Variants in CNTNAP2 observed in about 807,000 individuals in gnomAD.
CNTNAP2 encodes contactin associated protein 2.
Under a neutral mutation model 155.2 loss-of-function variants are expected in CNTNAP2, and 98 were observed. The observed-to-expected ratio is 0.63, with a 90% CI of 0.54 to 0.75. CNTNAP2 has a LOEUF of 0.75. CNTNAP2 is among the 30% of genes least tolerant of loss of function. The pLI is 0.00. For synonymous variants in CNTNAP2, 651 were observed against 631.2 expected (o/e 1.03, Z -0.47); for missense variants, 1,727 against 1,688.1 (o/e 1.02, Z -0.40).
At chr7:146,744,341 C>T (rs952705102) in intron 1 of CNTNAP2, among the ~76,000 whole-genome samples, 3 of 151,330 alleles carry the variant, frequency 2.0e-5, no homozygotes, top group African/African-American at 4.9e-5. Flanking sequence ...ATAGAAGCTA[C>T]CATCAAAATT....
At chr7:146,163,585 C>CTATATATA (rs772109958) in intron 1 of CNTNAP2, among the ~76,000 whole-genome samples, 1 of 91,224 alleles carries the variant, frequency 1.1e-5, no homozygotes, top group African/African-American at 4.0e-5. Flanking sequence ...ATCTATCTAT[C>CTATATATA]TATATATATA....
intron 4 of CNTNAP2, among the ~76,000 whole-genome samples, chr7:147,060,368 G>A (rs1563061237): frequency 6.6e-6 from 1 of 152,130 alleles, no homozygotes; most frequent in Non-Finnish European, 1.5e-5. Flanking sequence ...ATTAGGTGAA[G>A]AAAAGCAGAA....
chr7:146,142,050 T>A (rs1797888227), intron 1 of CNTNAP2, among the ~76,000 whole-genome samples: 1 of 152,210 alleles, frequency 6.6e-6, no homozygotes, highest in African/African-American at 2.4e-5. Flanking sequence ...TGCTTTGTAT[T>A]TCCTTGTTAT....
At chr7:147,623,126 C>A (rs961110335) in intron 12 of CNTNAP2, among the ~76,000 whole-genome samples, 1 of 151,878 alleles carries the variant, frequency 6.6e-6, no homozygotes, top group African/African-American at 2.4e-5. Context: ...ATAATAAGAA[C>A]TCTGTCAATA....
chr7:146,328,400 A>C (rs571387896), intron 1 of CNTNAP2, among the ~76,000 whole-genome samples: 11 of 152,232 alleles, frequency 7.2e-5, no homozygotes, highest in Admixed American at 6.5e-4. Context: ...TTGAGGTATG[A>C]TCAATAAAGA....
At position 147,849,072 on chromosome 7, in the gene CNTNAP2, T is replaced by C. The variant is rs1563109979; in HGVS notation, c.2099-54493T>C. ...AAATTTCTCCTAGAGGTATAGTAAA[T>C]ATGATTGATTTAATACATCATTGAG... On this transcript the variant is annotated intron_variant, in intron 13 of 23. Transcript: ENST00000361727. 4.6e-5 allele frequency among the ~76,000 whole-genome samples: 7 copies of C among 152,162 alleles called. No homozygotes were observed. In the South Asian group the frequency reaches 1.4e-3, roughly 31 times the overall value.
chr7:146,877,639 G>GTATATATGTGTA (rs1368625787), intron 3 of CNTNAP2, among the ~76,000 whole-genome samples: 1 of 150,784 alleles, frequency 6.6e-6, no homozygotes, highest in African/African-American at 2.4e-5. Context: ...ATGTATGTGT[G>GTATATATGTGTA]TATATATGTG....
At chr7:148,013,061 T>A (rs993803032) in intron 15 of CNTNAP2, 1 of 152,208 alleles carries the variant, frequency 6.6e-6, no homozygotes, top group Non-Finnish European at 1.5e-5. Flanking sequence ...GAGTTGATCA[T>A]CTGGGGGTGT....
chr7:147,231,102 T>C (rs1194304952), intron 8 of CNTNAP2, among the ~76,000 whole-genome samples: 1 of 152,170 alleles, frequency 6.6e-6, no homozygotes, highest in African/African-American at 2.4e-5. Flanking sequence ...TTTTAAAACA[T>C]CAGCTCTCCT....
intron 15 of CNTNAP2, among the ~76,000 whole-genome samples, chr7:148,062,072 TGTG>T (rs1289758673): frequency 1.4e-5 from 2 of 146,234 alleles, no homozygotes; most frequent in Non-Finnish European, 3.0e-5. Flanking sequence ...TGTGTGTGTG[TGTG>T]TTTAGTCCAT....
At position 147,065,462 on chromosome 7, in the gene CNTNAP2, AGAT is replaced by A. The variant is rs1432434891; in HGVS notation, c.550+21412_550+21414del. On this transcript the variant is annotated intron_variant, in intron 4 of 23. Coordinates refer to ENST00000361727, the MANE Select transcript of CNTNAP2 (RefSeq NM_014141.6). ...CAGTGTAATTCTTAAGTACAATTTA[AGAT>A]GATCTTTTCCAACTCTCATATTTAA... Among the ~76,000 whole-genome samples, 65 of 152,212 alleles carry A rather than the reference AGAT, an allele frequency of 4.3e-4. 2 individuals are homozygous for A. Among genetic ancestry groups the A allele is most frequent in the Non-Finnish European group, 7.3e-5 (5 of 68,044 alleles).
intron 8 of CNTNAP2, among the ~76,000 whole-genome samples, chr7:147,257,175 G>A (rs1804351092): frequency 6.6e-6 from 1 of 152,162 alleles, no homozygotes; most frequent in Non-Finnish European, 1.5e-5. Context: ...TGTTTTAAGA[G>A]GAAGTAAATG....
intron 1 of CNTNAP2, among the ~76,000 whole-genome samples, chr7:146,583,145 TAGAA>T (rs1189389814): frequency 6.6e-6 from 1 of 151,892 alleles, no homozygotes; most frequent in African/African-American, 2.4e-5. Context: ...AAATGTCTAA[TAGAA>T]AGAAAAGAAA....
At chr7:147,107,022 C>T (rs1179578491) in intron 4 of CNTNAP2, among the ~76,000 whole-genome samples, 1 of 152,162 alleles carries the variant, frequency 6.6e-6, no homozygotes, top group Non-Finnish European at 1.5e-5. Context: ...AACCTAGAGG[C>T]TAGCTTTGTC....
intron 4 of CNTNAP2, among the ~76,000 whole-genome samples, chr7:147,100,384 T>G (rs1800629849): frequency 6.6e-6 from 1 of 152,220 alleles, no homozygotes; most frequent in Non-Finnish European, 1.5e-5. Flanking sequence ...CAATTGATCT[T>G]GCCTCTGAAA....
At chr7:147,328,273 G>A (rs1310603511) in intron 9 of CNTNAP2, among the ~76,000 whole-genome samples, 1 of 152,188 alleles carries the variant, frequency 6.6e-6, no homozygotes. Context: ...CTAATTGCCT[G>A]TGAAAGGAGC....
intron 8 of CNTNAP2, among the ~76,000 whole-genome samples, chr7:147,281,006 A>G (rs1805021440): frequency 6.6e-6 from 1 of 151,882 alleles, no homozygotes; most frequent in Admixed American, 6.6e-5. Flanking sequence ...TTTTCAACTT[A>G]CTAGTTTATA....
At chr7:147,167,202 T>G (rs1802131900) in intron 8 of CNTNAP2, 2 of 320,110 alleles carry the variant, frequency 6.2e-6, no homozygotes, top group Non-Finnish European at 1.1e-5. Flanking sequence ...AGGATCTTCA[T>G]GTTCTTTGCC....
chr7:147,945,905 C>T (rs1212537621), intron 14 of CNTNAP2, among the ~76,000 whole-genome samples: 4 of 120,000 alleles, frequency 3.3e-5, no homozygotes, highest in Admixed American at 1.1e-4. Context: ...CTTACTCTGT[C>T]GCCCCAGGCT....
Sources: allele counts gnomAD v4.1 joint callset (sites outside exome capture counted in the v4.1 genomes callset), GRCh38; gene constraint gnomAD v4.1.1; transcripts MANE v1.5; gene names NCBI Gene and HGNC (gene_info 2026-07-23, HGNC 2026-07-21).